RBFOX3: variants seen among roughly 807,000 people sequenced by gnomAD.
RBFOX3 encodes the protein RNA binding fox-1 homolog 3.
In RBFOX3, 17 loss-of-function variants were observed where a neutral mutation model predicts 48.7. The observed-to-expected ratio is 0.35, with a 90% CI of 0.24 to 0.52. The LOEUF (loss-of-function observed/expected upper bound fraction) is 0.52, where lower values mean the gene tolerates loss of function less well. Among genes scored for constraint, RBFOX3 ranks in the 20% least tolerant of loss-of-function variants. The probability of loss-of-function intolerance (pLI) is 0.94; values close to 1 mark genes in which losing one functional copy is unlikely to be tolerated. For missense variants in RBFOX3, 382 were observed against 497.5 expected, an observed-to-expected ratio of 0.77 and a Z score of 2.21; for synonymous variants, 212 against 209.5, an observed-to-expected ratio of 1.01 and a Z score of -0.10.
intron 2 of RBFOX3, among the ~76,000 whole-genome samples, chr17:79,426,063 G>T (rs1401337575): frequency 6.6e-6 from 1 of 152,092 alleles, no homozygotes; most frequent in African/African-American, 2.4e-5. Context: ...GGGGAGGAGA[G>T]GGAGACACAG....
chr17:79,661,619 G>A, the RBFOX3 span, among the ~76,000 whole-genome samples: 1 of 152,190 alleles, frequency 6.6e-6, no homozygotes, highest in Non-Finnish European at 1.5e-5. Flanking sequence ...GATATCTAGG[G>A]ATAGAGTAGC....
intron 4 of RBFOX3, among the ~76,000 whole-genome samples, chr17:79,152,148 G>C (rs4993715): frequency 6.6e-6 from 1 of 151,920 alleles, no homozygotes; most frequent in Non-Finnish European, 1.5e-5. Flanking sequence ...ATAAGTGGGC[G>C]AGTGGGGTCC....
At chr17:79,478,314 G>A (rs534685610) in intron 2 of RBFOX3, among the ~76,000 whole-genome samples, 85 of 152,320 alleles carry the variant, frequency 5.6e-4, no homozygotes, top group East Asian at 5.0e-3. Context: ...GGTGGGGGCC[G>A]GGGTGGATGG....
intron 2 of RBFOX3, among the ~76,000 whole-genome samples, chr17:79,456,998 G>T (rs1444409982): frequency 1.3e-5 from 2 of 152,248 alleles, no homozygotes; most frequent in African/African-American, 4.8e-5. Flanking sequence ...TATAGGCAGA[G>T]GTACAGGCAT....
the RBFOX3 span, among the ~76,000 whole-genome samples, chr17:79,658,204 G>A: frequency 6.6e-6 from 1 of 152,134 alleles, no homozygotes; most frequent in Non-Finnish European, 1.5e-5. Flanking sequence ...GAAGCATGGA[G>A]TCACTCTGTT....
intron 1 of RBFOX3, among the ~76,000 whole-genome samples, chr17:79,592,781 G>A (rs888753007): frequency 7.9e-5 from 12 of 152,182 alleles, no homozygotes; most frequent in African/African-American, 2.9e-4. Context: ...TGCGGCATGG[G>A]GCCCTTGACA....
rs78320695 is a variant in RBFOX3 at position 79,473,207 on chromosome 17, G to A, written c.-175+9247C>T. On this transcript the variant is annotated intron_variant, in intron 2 of 14. Transcript: ENST00000693108. This position sits in a 1 kb window ranked among gnomAD's most constrained non-coding sequence, Gnocchi z 4.2. ...TTCTGTACTCAGTTGCAGGGATCAG[G>A]AGCAGCACCTCACGGGCTGGCACCC... Among the ~76,000 whole-genome samples the A allele has an allele frequency of 0.13, 20,034 of 152,238 alleles. 1,656 individuals carry two copies. Among genetic ancestry groups the A allele is most frequent in the Middle Eastern group, 0.22 (65 of 294 alleles).
At chr17:79,275,947 C>A (rs139229084) in intron 3 of RBFOX3, among the ~76,000 whole-genome samples, 1 of 152,182 alleles carries the variant, frequency 6.6e-6, no homozygotes, top group Non-Finnish European at 1.5e-5. Context: ...CGTCATTCAC[C>A]ACAGCCAAAA....
Position 79,392,448 on chromosome 17 carries a change from A to T in RBFOX3, c.-174-84624T>A, listed in dbSNP as rs2061479589. Reference sequence around the variant, plus strand: ...GCCCGGCCACTCACAGGTGCATGGTAATGTCGGTGGTACAGGTGTCTTGTG... The same window carrying T: ...GCCCGGCCACTCACAGGTGCATGGTTATGTCGGTGGTACAGGTGTCTTGTG... On this transcript the variant is annotated intron_variant, in intron 2 of 14. Coordinates refer to ENST00000693108, the MANE Select transcript of RBFOX3 (RefSeq NM_001350451.2). This position sits in a 1 kb window ranked among gnomAD's most constrained non-coding sequence, Gnocchi z 5.0. Among the ~76,000 whole-genome samples, 1 of 152,196 alleles carries T rather than the reference A, an allele frequency of 6.6e-6. No individual in the cohort carries two copies. The highest frequency in any genetic ancestry group is 6.5e-5 in the Admixed American group (1 of 15,282).
intron 1 of RBFOX3, among the ~76,000 whole-genome samples, chr17:79,585,238 T>C (rs1360821435): frequency 3.9e-5 from 6 of 152,128 alleles, no homozygotes; most frequent in Admixed American, 2.0e-4. Context: ...CAGAAACCCA[T>C]TGGAATAAAA....
intron 4 of RBFOX3, among the ~76,000 whole-genome samples, chr17:79,181,215 T>C (rs2051847681): frequency 6.6e-6 from 1 of 152,316 alleles, no homozygotes; most frequent in African/African-American, 2.4e-5. Flanking sequence ...AAACCATGGA[T>C]TGGTCTCCAG....
At chr17:79,137,170 TCACACACGCAGCCTCTGTG>T (rs1166291136) in intron 4 of RBFOX3, among the ~76,000 whole-genome samples, 3 of 152,060 alleles carry the variant, frequency 2.0e-5, no homozygotes, top group East Asian at 1.9e-4. Flanking sequence ...ATGCATGGAC[TCACACACGCAGCCTCTGTG>T]CACACACGCA....
chr17:79,255,939 G>A (rs2064766118), intron 3 of RBFOX3, among the ~76,000 whole-genome samples: 1 of 151,448 alleles, frequency 6.6e-6, no homozygotes, highest in Non-Finnish European at 1.5e-5. Flanking sequence ...GCCGAGCACA[G>A]AGGGGCACAG....
intron 1 of RBFOX3, among the ~76,000 whole-genome samples, chr17:79,573,375 T>C (rs1170183498): frequency 2.6e-5 from 4 of 152,234 alleles, no homozygotes; most frequent in African/African-American, 9.6e-5. Context: ...GGGACGACTC[T>C]GGGCTATGCA....
chr17:79,150,876 G>A (rs1190759473), intron 4 of RBFOX3, among the ~76,000 whole-genome samples: 1 of 152,200 alleles, frequency 6.6e-6, no homozygotes, highest in Non-Finnish European at 1.5e-5. Context: ...GTGCGCAATG[G>A]GAGGACGAGG....
At chr17:79,138,203 A>C (rs2040718358) in intron 4 of RBFOX3, among the ~76,000 whole-genome samples, 1 of 152,166 alleles carries the variant, frequency 6.6e-6, no homozygotes, top group South Asian at 2.1e-4. Context: ...ACATGCCTGC[A>C]CACTCACTGC....
rs375940495 is a variant in RBFOX3 at position 79,106,740 on chromosome 17, C to T, written c.271G>A (p.Asp91Asn). 83 of 1,520,236 alleles carry T rather than the reference C, an allele frequency of 5.5e-5. No individual in the cohort carries two copies. The African/African-American group carries it at 1.0e-3, about 19-fold the overall frequency. The allele number at this position is 1,520,236 out of a possible 1,614,324, so 94.2% of individuals were successfully genotyped here. A position where few individuals can be genotyped will look rare whatever the true frequency, so the allele number is the denominator to read the frequency against. Residue 91 changes from aspartate (D) to asparagine (N), a missense_variant, in exon 6 of 15, where the codon GAC becomes AAC. This residue lies in a region of RBFOX3 where 118 missense variants were observed against 132.1 expected (regional missense o/e 0.89). Coordinates refer to ENST00000693108, the MANE Select transcript of RBFOX3 (RefSeq NM_001350451.2). ...TTGGGCTGCTGCTTCTCTGTAGGGT[C>T]GGAGGGGTGGAGCGGCTGGCTGTCC... ...QTDSQPLHPSDPTEKQQPKRL... is the reference protein window; with the variant it reads ...QTDSQPLHPSNPTEKQQPKRL...
chr17:79,378,209 TAGCCCTC>T, intron 2 of RBFOX3, among the ~76,000 whole-genome samples: 2 of 151,744 alleles, frequency 1.3e-5, no homozygotes, highest in East Asian at 3.9e-4. Flanking sequence ...CGTAGGGGCT[TAGCCCTC>T]ATCACCACTC....
intron 2 of RBFOX3, among the ~76,000 whole-genome samples, chr17:79,449,034 G>A (rs1295100341): frequency 6.6e-6 from 1 of 152,080 alleles, no homozygotes; most frequent in Non-Finnish European, 1.5e-5. Flanking sequence ...CTGGGTTGGA[G>A]CTGCTTTGCC....
Sources: gnomAD v4.1 joint callset for allele counts (sites outside exome capture counted in the v4.1 genomes callset) on GRCh38, gnomAD v4.1.1 for gene constraint, gnomAD v4.1.1 regional missense constraint, Gnocchi (gnomAD v3.1) non-coding constraint, MANE v1.5 for transcripts, NCBI Gene and HGNC (gene_info 2026-07-23, HGNC 2026-07-21) for gene names.